CIT: variants seen among roughly 807,000 people sequenced by gnomAD.
CIT encodes the protein citron rho-interacting serine/threonine kinase.
Under a neutral mutation model 272.7 loss-of-function variants are expected in CIT, and 79 were observed. The observed-to-expected ratio is 0.29, with a 90% CI of 0.24 to 0.35. CIT has a LOEUF of 0.35. Among genes scored for constraint, CIT ranks in the 10% least tolerant of loss-of-function variants. CIT has a pLI of 1.00. For missense variants in CIT, 1,909 were observed against 2,618.3 expected, an observed-to-expected ratio of 0.73 and a Z score of 5.91; for synonymous variants, 948 against 995.6, an observed-to-expected ratio of 0.95 and a Z score of 0.90.
rs1217157897 is a variant in CIT, at chr12:119,730,595, T to C, written c.3386A>G (p.Gln1129Arg). 1.9e-6 allele frequency: 3 copies of C among 1,613,980 alleles called. No individual in the cohort carries two copies. The highest frequency in any genetic ancestry group is 2.2e-5 in the East Asian group (1 of 44,876). Residue 1129 changes from glutamine to arginine, a missense_variant, in exon 27 of 48, where the codon CAG becomes CGG. By Grantham distance (43) the Gln-to-Arg change is conservative. This residue lies in a region of CIT where 530 missense variants were observed against 822.4 expected (regional missense o/e 0.64). Transcript: ENST00000392521. ...CTCCTTCACTGCCAGCTCCACCACC[T>C]GGCGAGACTCGGTGATCCGCTGATC... is the stretch of plus-strand genomic sequence containing the variant. ...RADQRITESR[Q>R]VVELAVKEHK... is the part of the protein sequence containing the mutation.
In CIT at chr12:119,813,710, T is replaced by C. The variant is rs189787272; in HGVS notation, c.1111+9110A>G. On this transcript the variant is annotated intron_variant, in intron 9 of 47. Coordinates refer to ENST00000392521, the MANE Select transcript of CIT (RefSeq NM_001206999.2). ...AGGCATTAATTTATCTCACTTAGAA[T>C]TGATTTACCAAACTTGGATGTGGCA... Among the ~76,000 whole-genome samples, 257 of 152,324 alleles carry C rather than the reference T, an allele frequency of 1.7e-3. 3 individuals are homozygous for C. Among genetic ancestry groups the C allele is most frequent in the Non-Finnish European group, 1.2e-4 (8 of 68,032 alleles).
chr12:119,733,403 G>A (rs1332217142), intron 26 of CIT, among the ~76,000 whole-genome samples: 1 of 150,950 alleles, frequency 6.6e-6, no homozygotes, highest in East Asian at 1.9e-4. Flanking sequence ...GCATAGTGGT[G>A]CACACCTGTA....
At chr12:119,717,410 T>C (rs1310444140) in intron 32 of CIT, among the ~76,000 whole-genome samples, 1 of 91,258 alleles carries the variant, frequency 1.1e-5, no homozygotes, top group African/African-American at 4.5e-5. Context: ...TTCTTTTTTC[T>C]TTTCTTTTCT....
At position 119,784,435 on chromosome 12, in the gene CIT, A is replaced by C. The variant is rs1964582073; in HGVS notation, c.1402-384T>G. On this transcript the variant is annotated intron_variant, in intron 11 of 47. Coordinates refer to ENST00000392521, the MANE Select transcript of CIT (RefSeq NM_001206999.2). This position sits in a 1 kb window ranked among gnomAD's most constrained non-coding sequence, Gnocchi z 4.7. ...TCTCCTTGCAAAGATCTAGAGGACA[A>C]ATCCAGGACAGGGCAAGGAGATATT... 2.5e-6 allele frequency: 3 copies of C among 1,208,996 alleles called. No homozygotes were observed. The South Asian group carries it at 4.6e-5, about 19-fold the overall frequency. The allele number at this position is 1,208,996 out of a possible 1,614,324, so 74.9% of individuals were successfully genotyped here. A position where few individuals can be genotyped will look rare whatever the true frequency, so the allele number is the denominator to read the frequency against.
chr12:119,756,394 G>C (rs534775508), intron 22 of CIT, among the ~76,000 whole-genome samples: 1 of 152,308 alleles, frequency 6.6e-6, no homozygotes, highest in South Asian at 2.1e-4. Context: ...AGTTTTCTGG[G>C]TTTTAAGTAC....
intron 10 of CIT, among the ~76,000 whole-genome samples, chr12:119,794,465 G>A (rs1965561030): frequency 6.6e-6 from 1 of 152,176 alleles, no homozygotes; most frequent in Non-Finnish European, 1.5e-5. Flanking sequence ...TCTGAGACAG[G>A]AATGGCACAA....
intron 16 of CIT, among the ~76,000 whole-genome samples, chr12:119,774,256 A>G (rs996301850): frequency 5.1e-4 from 77 of 152,296 alleles, no homozygotes; most frequent in Non-Finnish European, 2.9e-5. Flanking sequence ...ACACTTAAAA[A>G]TGGTTAAGAT....
chr12:119,703,082 C>T (rs964940740), intron 41 of CIT, among the ~76,000 whole-genome samples: 3 of 152,198 alleles, frequency 2.0e-5, no homozygotes, highest in Non-Finnish European at 4.4e-5. Flanking sequence ...TGAGCATTAT[C>T]ATCATCACTG....
chr12:119,831,639 GCGAGTGGATCA>G (rs1159281764), intron 7 of CIT, among the ~76,000 whole-genome samples: 1 of 152,232 alleles, frequency 6.6e-6, no homozygotes, highest in East Asian at 1.9e-4. Context: ...GGAGGCCGAA[GCGAGTGGATCA>G]CGAGGTCAGG....
chr12:119,836,093 C>T (rs933135701), intron 5 of CIT, among the ~76,000 whole-genome samples: 1 of 151,808 alleles, frequency 6.6e-6, no homozygotes, highest in East Asian at 1.9e-4. Flanking sequence ...TCGAGACCAC[C>T]CTGGCCAACA....
chr12:119,700,879 A>ACCATGTGTGTC, intron 43 of CIT, 54 bp from the exon 44 acceptor site: 1 of 1,386,152 alleles, frequency 7.2e-7, no homozygotes, highest in Non-Finnish European at 1.0e-6. Flanking sequence ...CAGGGGCATC[A>ACCATGTGTGTC]GCGACACACA....
intron 9 of CIT, among the ~76,000 whole-genome samples, chr12:119,822,121 T>C (rs1422233922): frequency 6.6e-6 from 1 of 152,234 alleles, no homozygotes; most frequent in Non-Finnish European, 1.5e-5. Context: ...CTCTAATCCG[T>C]GCTGATCATT....
intron 19 of CIT, among the ~76,000 whole-genome samples, chr12:119,765,406 A>G (rs918651239): frequency 6.9e-6 from 1 of 145,834 alleles, no homozygotes; most frequent in Non-Finnish European, 1.5e-5. Context: ...TATATTATAT[A>G]ACATATATAT....
chr12:119,730,265 A>T (rs1366060160), intron 27 of CIT, among the ~76,000 whole-genome samples: 1 of 152,142 alleles, frequency 6.6e-6, no homozygotes, highest in Non-Finnish European at 1.5e-5. Context: ...CACAGATTTT[A>T]AAAAGTCACT....
rs1950595876 is a variant in CIT at position 119,869,150 on chromosome 12, C to G, written c.148G>C (p.Gly50Arg). The G allele has an allele frequency of 6.2e-7, 1 of 1,613,102 alleles. No individual in the cohort carries two copies. Among genetic ancestry groups the G allele is most frequent in the African/African-American group, 1.3e-5 (1 of 74,958 alleles). ...AGAACAAAGAGGGCATCTAATATCCCTTCTCGGGAAAGAGGAGACATCTGC... is the reference window on the plus strand; with the variant it reads ...AGAACAAAGAGGGCATCTAATATCCGTTCTCGGGAAAGAGGAGACATCTGC... ...QQQMSPLSRE[G>R]ILDALFVLFE... Residue 50 changes from glycine (G) to arginine (R), a missense_variant, in exon 3 of 48, where the codon GGG becomes CGG. By Grantham distance (125) the Gly-to-Arg change is moderately radical. Coordinates refer to ENST00000392521, the MANE Select transcript of CIT (RefSeq NM_001206999.2).
Position 119,710,230 on chromosome 12 carries a change from A to G in CIT, c.5071+21T>C. 4 of 1,605,880 alleles carry G rather than the reference A, an allele frequency of 2.5e-6. No individual in the cohort carries two copies. The highest frequency in any genetic ancestry group is 2.5e-6 in the Non-Finnish European group (3 of 1,177,736). ...GCTCCCTTGAAAGTAAAGAAAAAAC[A>G]CCATGTCCTTGGCCTCACACCTGCT... is the stretch of plus-strand genomic sequence containing the variant. On this transcript the variant is annotated intron_variant, in intron 39 of 47. Transcript: ENST00000392521. This position sits in a 1 kb window ranked among gnomAD's most constrained non-coding sequence, Gnocchi z 5.6.
chr12:119,832,890 T>G (rs201742987), intron 6 of CIT, 26 bp from the exon 7 acceptor site: 1,045 of 1,548,974 alleles, frequency 6.7e-4, no homozygotes, highest in Non-Finnish European at 8.1e-4. Context: ...GACCATGAAT[T>G]GCCTCCTCCA....
Position 119,776,812 on chromosome 12 carries a change from A to G in CIT, c.1696T>C (p.Leu566=), listed in dbSNP as rs1394857407. The G allele has an allele frequency of 8.1e-6, 13 of 1,613,942 alleles. No homozygotes were observed. The highest frequency in any genetic ancestry group is 1.7e-5 in the Admixed American group (1 of 60,010). Residue 566 remains leucine (L), a synonymous_variant, in exon 14 of 48, where the codon TTG becomes CTG. Coordinates refer to ENST00000392521, the MANE Select transcript of CIT (RefSeq NM_001206999.2). Reference sequence around the variant, plus strand: ...TCCTCTTCCAACTGATTCATCATCAACCTCATTTCTTCCACTTGAGCCTGG... The same window carrying G: ...TCCTCTTCCAACTGATTCATCATCAGCCTCATTTCTTCCACTTGAGCCTGG... ...EYQAQVEEMR[L]MMNQLEEDLV...
At chr12:119,840,855 A>C (rs984367719) in intron 5 of CIT, among the ~76,000 whole-genome samples, 2 of 152,242 alleles carry the variant, frequency 1.3e-5, no homozygotes, top group African/African-American at 4.8e-5. Flanking sequence ...GCCACATTTC[A>C]CTAAAGTAAA....
Sources: allele counts gnomAD v4.1 joint callset (sites outside exome capture counted in the v4.1 genomes callset), GRCh38; gene constraint gnomAD v4.1.1; regional missense constraint gnomAD v4.1.1; non-coding constraint Gnocchi (gnomAD v3.1); transcripts MANE v1.5; gene names NCBI Gene and HGNC (gene_info 2026-07-23, HGNC 2026-07-21).